DOCK9: variants seen among roughly 807,000 people sequenced by gnomAD.
DOCK9 encodes dedicator of cytokinesis protein 9.
A neutral mutation model predicts 263.3 loss-of-function variants in DOCK9; 89 were observed. The ratio of observed to expected loss-of-function variants is 0.34; its 90% CI spans 0.28 to 0.40. The LOEUF is 0.40. Ranked by LOEUF, DOCK9 falls within the 10% of genes least tolerant of loss-of-function variation. The pLI is 1.00. For missense variants in DOCK9, 2,140 were observed against 2,603.4 expected (o/e 0.82, Z 3.87); for synonymous variants, 976 against 973.1 (o/e 1.00, Z -0.06).
In DOCK9 at chr13:98,986,875, A is replaced by G. The variant is rs181318382; in HGVS notation, c.130-31324T>C. 6.6e-5 allele frequency among the ~76,000 whole-genome samples: 10 copies of G among 152,362 alleles called. 1 individual carries two copies. In the East Asian group the frequency reaches 1.7e-3, roughly 26 times the overall value. On this transcript the variant is annotated intron_variant, in intron 1 of 32. Transcript: ENST00000427887. ...CTTATTCACAGGTAGATATGCTACA[A>G]ATAAAGGTGACTAGAGTTGGAGATA...
At chr13:98,849,434 CTT>C (rs34901221) in intron 36 of DOCK9, among the ~76,000 whole-genome samples, 12 of 148,634 alleles carry the variant, frequency 8.1e-5, no homozygotes, top group Non-Finnish European at 1.0e-4. Context: ...TGCAGAAATT[CTT>C]TTTTTTTTTT....
At chr13:98,810,409 A>G in intron 45 of DOCK9, 118 bp from the exon 46 acceptor site, 14 of 1,226,148 alleles carry the variant, frequency 1.1e-5, no homozygotes, top group Non-Finnish European at 1.6e-5. Flanking sequence ...AATAGACAAC[A>G]TGCATCAACA....
At chr13:98,922,202 G>A in intron 5 of DOCK9, 56 bp from the exon 6 acceptor site, 2 of 1,393,634 alleles carry the variant, frequency 1.4e-6, no homozygotes, top group Admixed American at 2.0e-5. Context: ...TGGGTTGCTT[G>A]CTGTGAGTTT....
intron 1 of DOCK9, among the ~76,000 whole-genome samples, chr13:99,002,759 A>G (rs1358951705): frequency 1.3e-5 from 2 of 152,208 alleles, no homozygotes; most frequent in African/African-American, 4.8e-5. Context: ...GCTGACACGC[A>G]GGACTCTGTG....
At chr13:99,068,729 T>C (rs1353699942) in intron 1 of DOCK9, among the ~76,000 whole-genome samples, 2 of 150,068 alleles carry the variant, frequency 1.3e-5, no homozygotes, top group East Asian at 3.9e-4. Context: ...AAAAATAACA[T>C]AGAAGATTCT....
At chr13:99,026,940 C>T (rs902854911) in intron 1 of DOCK9, among the ~76,000 whole-genome samples, 1 of 152,180 alleles carries the variant, frequency 6.6e-6, no homozygotes, top group Non-Finnish European at 1.5e-5. Flanking sequence ...TAACAGTGTG[C>T]TACACGGGAA....
intron 1 of DOCK9, among the ~76,000 whole-genome samples, chr13:98,968,426 G>C (rs2059409453): frequency 6.6e-6 from 1 of 152,234 alleles, no homozygotes; most frequent in African/African-American, 2.4e-5. Flanking sequence ...TTCGAGACCA[G>C]ACTGGCCAAC....
chr13:98,954,895 C>T (rs534145222), intron 2 of DOCK9, among the ~76,000 whole-genome samples: 41 of 151,604 alleles, frequency 2.7e-4, no homozygotes, highest in African/African-American at 9.4e-4. Context: ...CACACACACA[C>T]ACATTTTGGC....
At position 98,974,748 on chromosome 13, in the gene DOCK9, CAAAAAAAAAAAAAAA is replaced by C. The variant is rs57196019; in HGVS notation, c.126+3021_126+3035del. On this transcript the variant is annotated intron_variant, in intron 1 of 52. Transcript: ENST00000682017. Reference sequence around the variant, plus strand: ...CTGGGCAACAAGAGCAACTCTGTCTCAAAAAAAAAAAAAAAAAAAAAAAAAGAACAACTCCACCTC... The same window carrying C: ...CTGGGCAACAAGAGCAACTCTGTCTCAAAAAAAAAAGAACAACTCCACCTC... Among the ~76,000 whole-genome samples, 61 of 33,218 alleles carry C rather than the reference CAAAAAAAAAAAAAAA, an allele frequency of 1.8e-3. No homozygotes were observed. In the East Asian group the frequency reaches 0.075, roughly 41 times the overall value. 21.8% of individuals were successfully genotyped at this position (33,218 alleles called of 152,430 possible).
chr13:98,963,911 T>C (rs2058934376), intron 1 of DOCK9, among the ~76,000 whole-genome samples: 1 of 152,252 alleles, frequency 6.6e-6, no homozygotes, highest in Non-Finnish European at 1.5e-5. Context: ...TCTCGCTACG[T>C]AGCCCCACCA....
intron 1 of DOCK9, among the ~76,000 whole-genome samples, chr13:98,965,076 C>A (rs2059062523): frequency 6.6e-6 from 1 of 152,118 alleles, no homozygotes; most frequent in African/African-American, 2.4e-5. Context: ...CTACATGTGC[C>A]AAAGCCACCC....
intron 1 of DOCK9, among the ~76,000 whole-genome samples, chr13:99,028,258 C>G (rs1210251085): frequency 6.6e-6 from 1 of 152,136 alleles, no homozygotes; most frequent in African/African-American, 2.4e-5. Context: ...GATACACTGC[C>G]AGTGGGGGTG....
chr13:98,920,796 C>T (rs530913860), intron 7 of DOCK9, among the ~76,000 whole-genome samples, 158 bp downstream of exon 7: 104 of 152,314 alleles, frequency 6.8e-4, no homozygotes, highest in Non-Finnish European at 1.3e-3. Context: ...CCATCTTCTA[C>T]AATGATGAAA....
rs370160423 is a variant in DOCK9 at position 98,805,053 on chromosome 13, C to T, written c.5671G>A (p.Gly1891Arg). The change falls in exon 49 of 53, where the codon GGG becomes AGG. Residue 1891 changes from glycine (G) to arginine (R), a missense_variant. Coordinates refer to ENST00000682017, the MANE Select transcript of DOCK9 (RefSeq NM_001366683.2). Reference protein sequence around the residue: ...FMFEMPFTQTGKRQGGVEEQC... With the variant: ...FMFEMPFTQTRKRQGGVEEQC... ...TCTTCCACCCCGCCCTGCCTCTTCC[C>T]GGTCTGCGTAAATGGCATCTCAAAC... 49 of 1,611,552 alleles carry T rather than the reference C, an allele frequency of 3.0e-5. No individual in the cohort carries two copies. Among genetic ancestry groups the T allele is most frequent in the African/African-American group, 5.3e-5 (4 of 74,892 alleles).
At chr13:98,923,457 C>A (rs1421088637) in intron 4 of DOCK9, 86 bp from the exon 5 acceptor site, 3 of 1,098,742 alleles carry the variant, frequency 2.7e-6, no homozygotes, top group African/African-American at 1.5e-5. Flanking sequence ...TAGGGCCCGG[C>A]CTTTACTAAA....
At position 98,904,651 on chromosome 13, in the gene DOCK9, TA is replaced by T; in HGVS notation, c.1015del (p.Tyr339IlefsTer18). On this transcript the variant is annotated frameshift_variant, in exon 10 of 53. Coordinates refer to ENST00000682017, the MANE Select transcript of DOCK9 (RefSeq NM_001366683.2). LOFTEE classifies it high-confidence loss of function. Reference sequence around the variant, plus strand: ...TCTTACCTGGGCATCTGGGTCCAAATAAAAAAGTTTGACTCTGCTTTCACTT... The same window carrying T: ...TCTTACCTGGGCATCTGGGTCCAAATAAAAAGTTTGACTCTGCTTTCACTT... Reference protein sequence around the residue: ...LKSESRVKLFYLDPDAQKLDF... With the variant: ...LKSESRVKLFXLDPDAQKLDF... 1 of 1,557,192 alleles carries T rather than the reference TA, an allele frequency of 6.4e-7. No individual in the cohort carries two copies. The highest frequency in any genetic ancestry group is 8.7e-7 in the Non-Finnish European group (1 of 1,149,286).
chr13:99,085,833 G>A (rs1329954914), intron 1 of DOCK9, among the ~76,000 whole-genome samples: 1 of 151,524 alleles, frequency 6.6e-6, no homozygotes, highest in African/African-American at 2.4e-5. Context: ...TGGAAGGAGA[G>A]GGAGGCCGGG....
intron 32 of DOCK9, among the ~76,000 whole-genome samples, chr13:98,860,927 G>C (rs2093850516): frequency 6.6e-6 from 1 of 152,138 alleles, no homozygotes; most frequent in South Asian, 2.1e-4. Context: ...GTAATGCGGG[G>C]AATTACAACA....
intron 47 of DOCK9, chr13:98,809,003 A>T (rs2091018203): frequency 2.3e-6 from 3 of 1,278,844 alleles, no homozygotes; most frequent in South Asian, 3.2e-5. Flanking sequence ...ATAAAATGTT[A>T]ATTTTTTTGG....
Sources: allele counts gnomAD v4.1 joint callset (sites outside exome capture counted in the v4.1 genomes callset), GRCh38; gene constraint gnomAD v4.1.1; transcripts MANE v1.5; gene names NCBI Gene and HGNC (gene_info 2026-07-23, HGNC 2026-07-21).